Variants in IFT88 observed in about 807,000 individuals in gnomAD.
IFT88 encodes the protein intraflagellar transport 88, also known as intraflagellar transport protein 88 homolog.
In IFT88, 74 loss-of-function variants were observed where a neutral mutation model predicts 119.5. The observed-to-expected ratio is 0.62, with a 90% CI of 0.51 to 0.75. The LOEUF is 0.75. IFT88 is among the 30% of genes least tolerant of loss of function. The pLI is 0.00. For synonymous variants in IFT88, 279 were observed against 316.7 expected (o/e 0.88, Z 1.26); for missense variants, 961 against 977.7 (o/e 0.98, Z 0.23).
intron 24 of IFT88, among the ~76,000 whole-genome samples, chr13:20,680,624 G>A (rs528124290): frequency 6.6e-6 from 1 of 152,146 alleles, no homozygotes; most frequent in African/African-American, 2.4e-5. Context: ...CTGGCCCCAG[G>A]GGGGTGGCTG....
intron 23 of IFT88, among the ~76,000 whole-genome samples, chr13:20,669,458 C>T (rs995566846): frequency 7.4e-5 from 11 of 149,282 alleles, no homozygotes; most frequent in African/African-American, 2.7e-4. Flanking sequence ...GTCCCTCTCT[C>T]TGTCGCCCAG....
intron 3 of IFT88, 43 bp downstream of exon 3, chr13:20,583,062 T>C (rs754782140): frequency 8.3e-7 from 1 of 1,199,316 alleles, no homozygotes; most frequent in Admixed American, 1.8e-5. Flanking sequence ...AAAAAATACA[T>C]AACATGAAAT....
intron 7 of IFT88, among the ~76,000 whole-genome samples, chr13:20,593,804 T>C (rs1417104327): frequency 6.6e-6 from 1 of 152,036 alleles, no homozygotes; most frequent in African/African-American, 2.4e-5. Context: ...AATCTCAGCC[T>C]TTTGGGAGGC....
rs139414795 is a variant in IFT88, at chr13:20,641,713, G to A, written c.1682+315G>A. 5.2e-4 allele frequency: 101 copies of A among 193,254 alleles called. 1 individual carries two copies. The East Asian group carries it at 9.5e-3, about 18-fold the overall frequency. 12.0% of individuals were successfully genotyped at this position (193,254 alleles called of 1,614,324 possible). A position where few individuals can be genotyped will look rare whatever the true frequency, so the allele number is the denominator to read the frequency against. On this transcript the variant is annotated intron_variant, in intron 18 of 25. Transcript: ENST00000351808. ...AGTCAATTTGGTGCTTTAGAACGTT[G>A]TATTAATTCTGAAGCTTGTAGGGTA...
intron 8 of IFT88, 99 bp downstream of exon 8, chr13:20,596,339 G>A (rs113025332): frequency 3.4e-5 from 14 of 411,748 alleles, no homozygotes; most frequent in African/African-American, 2.1e-4. Flanking sequence ...TTTGTTTGCC[G>A]TTGACTGGTC....
chr13:20,583,099 A>G, intron 3 of IFT88, 80 bp downstream of exon 3: 2 of 790,704 alleles, frequency 2.5e-6, no homozygotes, highest in Admixed American at 4.5e-5. Context: ...TTTCACCTGT[A>G]TATTCCTGTA....
chr13:20,669,671 G>A (rs921665142), intron 23 of IFT88, among the ~76,000 whole-genome samples: 7 of 151,966 alleles, frequency 4.6e-5, no homozygotes, highest in African/African-American at 1.2e-4. Flanking sequence ...TAATCCACCC[G>A]CCTCGGCCTC....
intron 14 of IFT88, among the ~76,000 whole-genome samples, chr13:20,620,999 G>C (rs1384355065): frequency 5.3e-5 from 8 of 152,190 alleles, no homozygotes; most frequent in Admixed American, 5.2e-4. Flanking sequence ...GGACTTCTCA[G>C]TCTTCGTAAC....
intron 2 of IFT88, 43 bp downstream of exon 2, chr13:20,574,518 A>T (rs1265825860): frequency 9.1e-7 from 1 of 1,096,484 alleles, no homozygotes; most frequent in Non-Finnish European, 1.4e-6. Context: ...TTGGTTAACC[A>T]GCTGGTTTAT....
intron 11 of IFT88, among the ~76,000 whole-genome samples, chr13:20,600,476 G>A (rs1329943428): frequency 6.6e-6 from 1 of 152,052 alleles, no homozygotes; most frequent in African/African-American, 2.4e-5. Context: ...CAACACCTGA[G>A]ACCAGTCAGG....
In IFT88 at chr13:20,681,296, AGTGAGAAAAATG is replaced by A. The variant is rs543401858; in HGVS notation, c.2243-9408_2243-9397del. 1.5e-3 allele frequency among the ~76,000 whole-genome samples: 234 copies of A among 152,248 alleles called. 1 individual carries two copies. The highest frequency in any genetic ancestry group is 5.5e-3 in the African/African-American group (227 of 41,542). ...CCTGTTTGACAGGTAGCCCAAACAAAGTGAGAAAAATGTATCTACACATACATGCACATAAGC... is the reference window on the plus strand; with the variant it reads ...CCTGTTTGACAGGTAGCCCAAACAAATATCTACACATACATGCACATAAGC... On this transcript the variant is annotated intron_variant, in intron 24 of 25. Transcript: ENST00000351808.
intron 14 of IFT88, among the ~76,000 whole-genome samples, chr13:20,618,184 C>G (rs3002173): frequency 6.6e-6 from 1 of 152,228 alleles, no homozygotes; most frequent in East Asian, 1.9e-4. Flanking sequence ...CCTCCCAAAG[C>G]GCTGGGATTA....
chr13:20,685,229 A>G (rs7333838), intron 24 of IFT88, among the ~76,000 whole-genome samples: 3 of 152,092 alleles, frequency 2.0e-5, no homozygotes, highest in Admixed American at 6.5e-5. Flanking sequence ...GTTTATGGCT[A>G]GAGCAGTTTT....
intron 24 of IFT88, among the ~76,000 whole-genome samples, chr13:20,684,911 C>T (rs201420888): frequency 3.3e-5 from 5 of 152,196 alleles, no homozygotes; most frequent in East Asian, 3.9e-4. Context: ...CACCGCTTGC[C>T]GAGACCAGCT....
chr13:20,598,631 TATA>T lies in IFT88; in HGVS notation c.595-16_595-14del, dbSNP rs1441020593. 1.3e-6 allele frequency: 2 copies of T among 1,515,904 alleles called. No homozygotes were observed. Among genetic ancestry groups the T allele is most frequent in the Non-Finnish European group, 1.8e-6 (2 of 1,092,722 alleles). The allele number at this position is 1,515,904 out of a possible 1,614,324, so 93.9% of individuals were successfully genotyped here. A position where few individuals can be genotyped will look rare whatever the true frequency, so the allele number is the denominator to read the frequency against. On this transcript the variant is annotated splice_polypyrimidine_tract_variant and intron_variant, in intron 9 of 25. Coordinates refer to ENST00000351808, the MANE Select transcript of IFT88 (RefSeq NM_006531.5). ...CTAAAGTGGTCTTATGTGTCTTTTC[TATA>T]ATATTTTCTTCCTTAGGTTCTTTTC...
chr13:20,601,243 A>G (rs909461740), intron 11 of IFT88, among the ~76,000 whole-genome samples: 2 of 152,110 alleles, frequency 1.3e-5, no homozygotes, highest in Non-Finnish European at 2.9e-5. Flanking sequence ...GCATGTGCCT[A>G]TAATCCCAGC....
At chr13:20,632,500 G>A (rs1351371018) in intron 16 of IFT88, among the ~76,000 whole-genome samples, 4 of 152,154 alleles carry the variant, frequency 2.6e-5, no homozygotes, top group Non-Finnish European at 5.9e-5. Flanking sequence ...AGCGTCTTGG[G>A]TTTTGCTTAC....
intron 13 of IFT88, among the ~76,000 whole-genome samples, chr13:20,614,879 G>A (rs1029967028): frequency 1.4e-5 from 2 of 145,242 alleles, no homozygotes; most frequent in Non-Finnish European, 3.0e-5. Flanking sequence ...GCAGTGGCCC[G>A]ATCTCCGCTC....
chr13:20,649,541 A>G (rs187943994), intron 20 of IFT88, among the ~76,000 whole-genome samples: 7 of 152,274 alleles, frequency 4.6e-5, no homozygotes, highest in Admixed American at 4.6e-4. Context: ...ACATTAAAGA[A>G]GAAGAAAGAT....
Sources: allele counts gnomAD v4.1 joint callset (sites outside exome capture counted in the v4.1 genomes callset), GRCh38; gene constraint gnomAD v4.1.1; transcripts MANE v1.5; gene names NCBI Gene and HGNC (gene_info 2026-07-23, HGNC 2026-07-21).